The following TTC34 variants were observed in gnomAD, a reference collection of about 807,000 sequenced individuals.
TTC34 encodes the protein tetratricopeptide repeat protein 34.
Under a neutral mutation model 40.7 loss-of-function variants are expected in TTC34, and 44 were observed. The ratio of observed to expected loss-of-function variants is 1.08; its 90% CI spans 0.85 to 1.39. TTC34 has a LOEUF of 1.39. Among genes scored for constraint, TTC34 ranks in the 40% most tolerant of loss-of-function variants. The pLI is 0.00. For synonymous variants in TTC34, 422 were observed against 398.6 expected (o/e 1.06, Z -0.70); for missense variants, 884 against 838.0 (o/e 1.05, Z -0.68).
At chr1:2,777,387 C>T (rs1054047861) in intron 6 of TTC34, among the ~76,000 whole-genome samples, 1 of 151,806 alleles carries the variant, frequency 6.6e-6, no homozygotes, top group Non-Finnish European at 1.5e-5. Flanking sequence ...TCCAGGGGAG[C>T]ATCTGACAGC....
intron 6 of TTC34, among the ~76,000 whole-genome samples, chr1:2,652,432 A>G (rs534042528): frequency 2.3e-4 from 35 of 151,838 alleles, no homozygotes; most frequent in Middle Eastern, 3.4e-3. Context: ...ACAGCCTGGA[A>G]CAGCACCCAC....
At chr1:2,769,683 C>A (rs1641985770) in intron 6 of TTC34, among the ~76,000 whole-genome samples, 1 of 136,480 alleles carries the variant, frequency 7.3e-6, no homozygotes, top group East Asian at 2.3e-4. Context: ...CCCAGGGGAG[C>A]ATCTGACAGT....
chr1:2,691,041 G>A (rs113018112), intron 6 of TTC34, among the ~76,000 whole-genome samples: 1 of 84,168 alleles, frequency 1.2e-5, no homozygotes, highest in African/African-American at 3.8e-5. Flanking sequence ...GCATCTGACA[G>A]CCTCGGTCAG....
At chr1:2,769,700 C>A (rs1569764791) in intron 6 of TTC34, among the ~76,000 whole-genome samples, 2 of 137,026 alleles carry the variant, frequency 1.5e-5, no homozygotes, top group East Asian at 2.1e-4. Flanking sequence ...CAGTCTGGAG[C>A]AGCACCCACA....
intron 6 of TTC34, among the ~76,000 whole-genome samples, chr1:2,778,958 G>A (rs995920637): frequency 2.0e-5 from 3 of 152,028 alleles, no homozygotes; most frequent in African/African-American, 7.2e-5. Flanking sequence ...CCACCATTCT[G>A]CTTTCTGTCT....
At chr1:2,637,142 A>T (rs1159226547) in exon 9 of TTC34, 1 of 151,804 alleles carries the variant, frequency 6.6e-6, no homozygotes, top group African/African-American at 2.4e-5. Flanking sequence ...GTGCATGCTG[A>T]TTGGCTTCTG....
At chr1:2,756,341 C>T in intron 6 of TTC34, among the ~76,000 whole-genome samples, 1 of 122,690 alleles carries the variant, frequency 8.2e-6, no homozygotes, top group Non-Finnish European at 1.7e-5. Flanking sequence ...GGAGCAGCAC[C>T]CATACCCCCA....
At chr1:2,782,508 T>TTC (rs34425096) in intron 6 of TTC34, among the ~76,000 whole-genome samples, 98,460 of 151,282 alleles carry the variant, frequency 0.65, 33,213 homozygotes, top group African/African-American at 0.84. Flanking sequence ...TGTAATCTTT[T>TTC]TCTCTCTCTC....
At chr1:2,694,612 C>T (rs1396180588) in intron 6 of TTC34, among the ~76,000 whole-genome samples, 1 of 73,858 alleles carries the variant, frequency 1.4e-5, no homozygotes, top group Non-Finnish European at 3.5e-5. Flanking sequence ...CATCTGAAAC[C>T]ACGGAGCAGC....
intron 5 of TTC34, among the ~76,000 whole-genome samples, chr1:2,784,211 T>A (rs912212926): frequency 1.3e-5 from 2 of 152,172 alleles, no homozygotes; most frequent in Non-Finnish European, 2.9e-5. Flanking sequence ...CAAAGGACAG[T>A]GGGCCCTTCC....
At chr1:2,681,699 T>G (rs369900035) in intron 6 of TTC34, among the ~76,000 whole-genome samples, 4 of 26,396 alleles carry the variant, frequency 1.5e-4, no homozygotes, top group Non-Finnish European at 2.7e-4. Context: ...GGAACAGCAC[T>G]CACACCCCCA....
intron 6 of TTC34, among the ~76,000 whole-genome samples, chr1:2,751,395 C>G: frequency 6.7e-6 from 1 of 148,494 alleles, no homozygotes; most frequent in African/African-American, 2.5e-5. Context: ...TGGTCTGGAG[C>G]AGCACCCACA....
intron 6 of TTC34, among the ~76,000 whole-genome samples, chr1:2,767,916 C>T (rs1641829019): frequency 6.8e-6 from 1 of 146,232 alleles, no homozygotes; most frequent in Admixed American, 6.8e-5. Context: ...CAACCAGAAC[C>T]TGCACCACAC....
intron 6 of TTC34, among the ~76,000 whole-genome samples, chr1:2,777,344 A>G (rs1201926756): frequency 7.2e-6 from 1 of 138,574 alleles, no homozygotes; most frequent in Non-Finnish European, 1.5e-5. Context: ...CTCCAGGGGG[A>G]GCATCTGACA....
At chr1:2,771,553 AGC>A (rs1642148631) in intron 6 of TTC34, among the ~76,000 whole-genome samples, 1 of 72,506 alleles carries the variant, frequency 1.4e-5, no homozygotes, top group Non-Finnish European at 2.4e-5. Flanking sequence ...AGCCTGGAGC[AGC>A]ACACACAACC....
intron 6 of TTC34, among the ~76,000 whole-genome samples, chr1:2,760,927 A>C (rs1477782946): frequency 9.9e-4 from 23 of 23,280 alleles, no homozygotes; most frequent in East Asian, 1.5e-3. Flanking sequence ...CTCACACCCC[A>C]AGGTGAGCAT....
At chr1:2,685,202 C>T (rs796445429) in intron 6 of TTC34, among the ~76,000 whole-genome samples, 5 of 106,608 alleles carry the variant, frequency 4.7e-5, no homozygotes, top group East Asian at 5.3e-4. Flanking sequence ...CCCACACCCC[C>T]AGGTGAGCAT....
Position 2,788,426 on chromosome 1 carries a change from G to A in TTC34, c.1629-720C>T, listed in dbSNP as rs564323070. Among the ~76,000 whole-genome samples, 27 of 151,834 alleles carry A rather than the reference G, an allele frequency of 1.8e-4. 1 individual carries two copies. The South Asian group carries it at 4.2e-3, about 23-fold the overall frequency. On this transcript the variant is annotated intron_variant, in intron 3 of 8. Transcript: ENST00000401095. Reference sequence around the variant, plus strand: ...TGTGTGTGTTATGTATGTGTTGTGCGTGTGTGTGTTGTGTGTGTGCCTTGG... The same window carrying A: ...TGTGTGTGTTATGTATGTGTTGTGCATGTGTGTGTTGTGTGTGTGCCTTGG...
intron 6 of TTC34, among the ~76,000 whole-genome samples, chr1:2,683,653 G>A (rs1228132950): frequency 6.8e-6 from 1 of 147,744 alleles, no homozygotes; most frequent in African/African-American, 2.6e-5. Flanking sequence ...GCATCTGACA[G>A]CCTGGAGCAG....
Sources: gnomAD v4.1 joint callset for allele counts (sites outside exome capture counted in the v4.1 genomes callset) on GRCh38, gnomAD v4.1.1 for gene constraint, MANE v1.5 for transcripts, NCBI Gene and HGNC (gene_info 2026-07-23, HGNC 2026-07-21) for gene names.